KYAT1: variants seen among roughly 807,000 people sequenced by gnomAD.
KYAT1 encodes the protein kynurenine--oxoglutarate transaminase 1.
In KYAT1, 47 loss-of-function variants were observed where a neutral mutation model predicts 52.4. The observed-to-expected ratio is 0.90, with a 90% CI of 0.71 to 1.14. The LOEUF is 1.14. Among genes scored for constraint, KYAT1 ranks in the 50% most tolerant of loss-of-function variants. The pLI, the probability that KYAT1 is intolerant of heterozygous loss-of-function variation, is 0.00. For synonymous variants in KYAT1, 212 were observed against 209.6 expected, an observed-to-expected ratio of 1.01 and a Z score of -0.10; for missense variants, 480 against 557.9, an observed-to-expected ratio of 0.86 and a Z score of 1.41.
rs1167476950 is a variant in KYAT1 at position 128,833,465 on chromosome 9, A to G, written c.*119T>C. On this transcript the variant is annotated 3_prime_UTR_variant, in exon 13 of 13. Coordinates refer to ENST00000302586, the MANE Select transcript of KYAT1 (RefSeq NM_004059.5). ...CAGAACATTCTGTGTCACGGAGAAG[A>G]GGTTTCCCAATAGCATCTTCCCCAA... 13 of 1,015,088 alleles carry G rather than the reference A, an allele frequency of 1.3e-5. No individual in the cohort carries two copies. Among genetic ancestry groups the G allele is most frequent in the Non-Finnish European group, 2.0e-5 (13 of 657,298 alleles). The allele number at this position is 1,015,088 out of a possible 1,614,324, so 62.9% of individuals were successfully genotyped here.
At chr9:128,842,853 G>C (rs766798566) in intron 2 of KYAT1, 52 bp from the exon 3 acceptor site, 2 of 1,565,666 alleles carry the variant, frequency 1.3e-6, no homozygotes, top group Non-Finnish European at 8.7e-7. Flanking sequence ...TGGTGACCTG[G>C]ACTTCGGCCT....
intron 1 of KYAT1, among the ~76,000 whole-genome samples, chr9:128,872,790 T>C (rs1426815728): frequency 1.4e-5 from 2 of 139,096 alleles, no homozygotes; most frequent in Admixed American, 7.3e-5. Flanking sequence ...AAGACCATGT[T>C]GGCCAGACGT....
intron 1 of KYAT1, among the ~76,000 whole-genome samples, chr9:128,866,523 T>C (rs1836401510): frequency 6.6e-6 from 1 of 152,014 alleles, no homozygotes; most frequent in South Asian, 2.1e-4. Flanking sequence ...CACTTGAACC[T>C]GGGAAGTGGA....
At chr9:128,858,800 G>A (rs1413617071) in intron 1 of KYAT1, among the ~76,000 whole-genome samples, 1 of 151,842 alleles carries the variant, frequency 6.6e-6, no homozygotes, top group African/African-American at 2.4e-5. Flanking sequence ...TTGAGGTCAG[G>A]AGTTTGAGAC....
chr9:128,849,660 G>C (rs192443052), intron 1 of KYAT1, among the ~76,000 whole-genome samples: 1 of 149,894 alleles, frequency 6.7e-6, no homozygotes, highest in South Asian at 2.1e-4. Context: ...AGCCAGGCAT[G>C]GTGGTTGGCA....
chr9:128,852,240 A>G lies in KYAT1; in HGVS notation c.-6-6829T>C, dbSNP rs1379944073. Among the ~76,000 whole-genome samples, 12 of 152,332 alleles carry G rather than the reference A, an allele frequency of 7.9e-5. No homozygotes were observed. The East Asian group carries it at 1.9e-3, about 24-fold the overall frequency. ...ACTTAAGAGCTGTTAATGCCATAATACAACCCATGGGTGCTCTCCAACCCG... is the reference window on the plus strand; with the variant it reads ...ACTTAAGAGCTGTTAATGCCATAATGCAACCCATGGGTGCTCTCCAACCCG... On this transcript the variant is annotated intron_variant, in intron 1 of 12. Coordinates refer to ENST00000302586, the MANE Select transcript of KYAT1 (RefSeq NM_004059.5).
At chr9:128,881,227 C>T (rs1404388004) in intron 1 of KYAT1, among the ~76,000 whole-genome samples, 9 of 151,960 alleles carry the variant, frequency 5.9e-5, no homozygotes, top group African/African-American at 2.2e-4. Context: ...ACTACAGGCG[C>T]CCACCACCAC....
intron 1 of KYAT1, chr9:128,847,414 T>C (rs776726703): frequency 2.1e-5 from 32 of 1,505,034 alleles, no homozygotes; most frequent in South Asian, 1.4e-4. Flanking sequence ...TGGCAGAGTA[T>C]TGGGGTTAGG....
At chr9:128,882,255 G>A, upstream of KYAT1, 1 of 152,822 alleles carries the variant, frequency 6.5e-6, no homozygotes, top group South Asian at 1.9e-4. Context: ...GCCCAGGTGA[G>A]TGGACGGGGT....
At chr9:128,882,197 G>T (rs1839054466), upstream of KYAT1, 1 of 153,186 alleles carries the variant, frequency 6.5e-6, no homozygotes, top group South Asian at 1.9e-4. Context: ...GCGGCGGGAC[G>T]GAGCGGCCGG....
At chr9:128,875,110 T>C (rs982569653) in intron 1 of KYAT1, among the ~76,000 whole-genome samples, 2 of 152,166 alleles carry the variant, frequency 1.3e-5, no homozygotes, top group African/African-American at 2.4e-5. Flanking sequence ...TCCTCATTTA[T>C]GTTGATAAGT....
chr9:128,856,768 C>T (rs756813815), intron 1 of KYAT1, among the ~76,000 whole-genome samples: 2 of 152,238 alleles, frequency 1.3e-5, no homozygotes, highest in East Asian at 1.9e-4. Context: ...GAAAGCCGCA[C>T]GGACCTCTGC....
At chr9:128,880,172 G>A (rs187053527) in intron 1 of KYAT1, among the ~76,000 whole-genome samples, 2 of 152,248 alleles carry the variant, frequency 1.3e-5, no homozygotes, top group African/African-American at 4.8e-5. Context: ...GGAGGCCCAC[G>A]GAGTACCTGG....
intron 7 of KYAT1, 75 bp from the exon 8 acceptor site, chr9:128,836,148 G>T: frequency 7.4e-7 from 1 of 1,347,770 alleles, no homozygotes. Flanking sequence ...CTGGGCCCCA[G>T]GGGACACGCA....
chr9:128,866,866 A>T (rs1258777197), intron 1 of KYAT1, among the ~76,000 whole-genome samples: 1 of 151,916 alleles, frequency 6.6e-6, no homozygotes, highest in Non-Finnish European at 1.5e-5. Context: ...AGATCGTGCC[A>T]CTGCACTCCA....
intron 1 of KYAT1, among the ~76,000 whole-genome samples, chr9:128,861,024 A>AG (rs1835395908): frequency 6.6e-6 from 1 of 152,246 alleles, no homozygotes; most frequent in African/African-American, 2.4e-5. Context: ...ACAGACCCTA[A>AG]GGGAACACAT....
intron 1 of KYAT1, among the ~76,000 whole-genome samples, chr9:128,858,954 G>A (rs1453206003): frequency 2.1e-5 from 3 of 140,258 alleles, no homozygotes; most frequent in Non-Finnish European, 3.0e-5. Flanking sequence ...GAGATTGTGC[G>A]TTGCACTCCA....
chr9:128,847,221 C>G lies in KYAT1; in HGVS notation c.-6-1810G>C, dbSNP rs142812210. Among the ~76,000 whole-genome samples the G allele has an allele frequency of 1.6e-4, 24 of 152,334 alleles. No homozygotes were observed. In the East Asian group the frequency reaches 4.4e-3, roughly 28 times the overall value. On this transcript the variant is annotated intron_variant, in intron 1 of 12. Coordinates refer to ENST00000302586, the MANE Select transcript of KYAT1 (RefSeq NM_004059.5). ...GGGCACAGGGGATCATGGGAAGCAG[C>G]ACCCTACAGCGCCCAAGCTGACTAT...
At chr9:128,864,787 T>G (rs1835975575) in intron 1 of KYAT1, among the ~76,000 whole-genome samples, 1 of 151,880 alleles carries the variant, frequency 6.6e-6, no homozygotes, top group Non-Finnish European at 1.5e-5. Flanking sequence ...CTTTGTATTT[T>G]TAGTAGAGAC....
Sources: allele counts gnomAD v4.1 joint callset (sites outside exome capture counted in the v4.1 genomes callset), GRCh38; gene constraint gnomAD v4.1.1; transcripts MANE v1.5; gene names NCBI Gene and HGNC (gene_info 2026-07-23, HGNC 2026-07-21).